The following AFF3 variants were observed in gnomAD, a reference collection of about 807,000 sequenced individuals.
AFF3 encodes AF4/FMR2 family member 3.
Under a neutral mutation model 129.7 loss-of-function variants are expected in AFF3, and 32 were observed. That is an observed-to-expected ratio of 0.25 (90% CI 0.19 to 0.33). The LOEUF is 0.33. Ranked by LOEUF, AFF3 falls within the 10% of genes least tolerant of loss-of-function variation. AFF3 has a pLI of 1.00. For missense variants in AFF3, 1,373 were observed against 1,592.0 expected, an observed-to-expected ratio of 0.86 and a Z score of 2.34; for synonymous variants, 644 against 635.4, an observed-to-expected ratio of 1.01 and a Z score of -0.20.
At chr2:99,665,278 G>A (rs528497270) in intron 12 of AFF3, among the ~76,000 whole-genome samples, 1 of 152,314 alleles carries the variant, frequency 6.6e-6, no homozygotes, top group African/African-American at 2.4e-5. Flanking sequence ...TATTACAGAG[G>A]GCAGGAAATA....
chr2:99,585,241 A>T (rs756595375), intron 16 of AFF3, among the ~76,000 whole-genome samples: 1 of 152,242 alleles, frequency 6.6e-6, no homozygotes, highest in Non-Finnish European at 1.5e-5. Flanking sequence ...AAACTGTGAC[A>T]TTAAATATTA....
intron 7 of AFF3, among the ~76,000 whole-genome samples, chr2:99,909,633 A>G (rs1397013137): frequency 1.3e-5 from 2 of 152,060 alleles, no homozygotes; most frequent in Non-Finnish European, 2.9e-5. Flanking sequence ...AAAAGAAAAA[A>G]GAAAAAGCGT....
At chr2:100,058,061 G>A (rs939353423) in intron 4 of AFF3, among the ~76,000 whole-genome samples, 5 of 152,004 alleles carry the variant, frequency 3.3e-5, no homozygotes, top group Non-Finnish European at 5.9e-5. Flanking sequence ...ATCATAAAAG[G>A]GACCACACAG....
intron 8 of AFF3, among the ~76,000 whole-genome samples, chr2:99,782,563 C>G (rs1309829858): frequency 6.6e-6 from 1 of 152,236 alleles, no homozygotes; most frequent in Non-Finnish European, 1.5e-5. Context: ...ACCTGCAACA[C>G]TGGTTCTCAA....
intron 7 of AFF3, among the ~76,000 whole-genome samples, chr2:99,899,429 G>C (rs530179108): frequency 1.3e-5 from 2 of 152,324 alleles, no homozygotes; most frequent in Non-Finnish European, 2.9e-5. Flanking sequence ...TGTAATATCA[G>C]ATATTTCAGA....
At chr2:99,678,626 T>C (rs1483872444) in intron 11 of AFF3, among the ~76,000 whole-genome samples, 1 of 152,240 alleles carries the variant, frequency 6.6e-6, no homozygotes, top group African/African-American at 2.4e-5. Context: ...AATTGGGCTG[T>C]TTGATTTTCA....
intron 12 of AFF3, among the ~76,000 whole-genome samples, chr2:99,661,088 C>T (rs1160436068): frequency 6.6e-6 from 1 of 152,162 alleles, no homozygotes; most frequent in Non-Finnish European, 1.5e-5. Context: ...TGAGGGATAG[C>T]GTATACTCCA....
intron 13 of AFF3, chr2:99,630,983 G>A (rs1046403824): frequency 1.7e-5 from 8 of 460,706 alleles, no homozygotes; most frequent in Middle Eastern, 3.3e-4. Context: ...GACAGAGGAG[G>A]GCATTTCAGA....
chr2:100,076,628 T>C (rs1192659737), intron 4 of AFF3, among the ~76,000 whole-genome samples: 1 of 152,218 alleles, frequency 6.6e-6, no homozygotes, highest in Non-Finnish European at 1.5e-5. Context: ...TGAGGTTGAC[T>C]CCATTCGAGC....
At chr2:99,842,732 G>A (rs1274328774) in intron 7 of AFF3, among the ~76,000 whole-genome samples, 4 of 152,184 alleles carry the variant, frequency 2.6e-5, no homozygotes, top group Non-Finnish European at 4.4e-5. Context: ...CTGTGGGTAA[G>A]TGTAGCTCGG....
chr2:99,844,266 A>C (rs1271329161), intron 7 of AFF3, among the ~76,000 whole-genome samples: 1 of 151,960 alleles, frequency 6.6e-6, no homozygotes, highest in Non-Finnish European at 1.5e-5. Context: ...CATAAAATCT[A>C]CCATTTTAAA....
intron 18 of AFF3, among the ~76,000 whole-genome samples, chr2:99,577,156 C>T (rs56700866): frequency 6.6e-6 from 1 of 152,280 alleles, no homozygotes; most frequent in Admixed American, 6.5e-5. Flanking sequence ...CCCCCAAAAC[C>T]CTGTGCCCTA....
intron 7 of AFF3, among the ~76,000 whole-genome samples, chr2:99,950,956 C>G (rs1040848369): frequency 2.6e-5 from 4 of 152,162 alleles, no homozygotes; most frequent in African/African-American, 4.8e-5. Flanking sequence ...ACATATGTCC[C>G]TTTATCAAAT....
chr2:99,629,734 G>C (rs1682949995), intron 13 of AFF3, among the ~76,000 whole-genome samples: 1 of 152,176 alleles, frequency 6.6e-6, no homozygotes, highest in South Asian at 2.1e-4. Context: ...CCATGGGGAG[G>C]CTCCTCGTCC....
intron 7 of AFF3, among the ~76,000 whole-genome samples, chr2:99,854,093 A>T (rs1215241796): frequency 8.5e-5 from 13 of 152,166 alleles, no homozygotes. Context: ...TCTGGATCAT[A>T]AGAAGACTTT....
intron 4 of AFF3, among the ~76,000 whole-genome samples, chr2:100,027,947 A>C (rs1684181131): frequency 6.6e-6 from 1 of 152,192 alleles, no homozygotes; most frequent in Non-Finnish European, 1.5e-5. Context: ...AACATTGGTA[A>C]TTCTGCAAAT....
chr2:99,920,692 C>A (rs1695799595), intron 7 of AFF3, among the ~76,000 whole-genome samples: 1 of 151,802 alleles, frequency 6.6e-6, no homozygotes, highest in African/African-American at 2.4e-5. Flanking sequence ...GAGGTCCCTG[C>A]CTGTACAATC....
chr2:100,054,554 T>C (rs1686614318), intron 4 of AFF3, among the ~76,000 whole-genome samples: 1 of 152,178 alleles, frequency 6.6e-6, no homozygotes, highest in East Asian at 1.9e-4. Context: ...GTCTTAAGTC[T>C]GCCAGCCTTT....
chr2:99,846,041 C>G (rs973041135), intron 7 of AFF3, among the ~76,000 whole-genome samples: 8 of 152,014 alleles, frequency 5.3e-5, no homozygotes, highest in Non-Finnish European at 1.2e-4. Flanking sequence ...ACCACGTTAG[C>G]CAGGATGGTC....
Sources: gnomAD v4.1 joint callset for allele counts (sites outside exome capture counted in the v4.1 genomes callset) on GRCh38, gnomAD v4.1.1 for gene constraint, MANE v1.5 for transcripts, NCBI Gene and HGNC (gene_info 2026-07-23, HGNC 2026-07-21) for gene names.